The following RAB3B variants were observed in gnomAD, a reference collection of about 807,000 sequenced individuals.
RAB3B encodes ras-related protein Rab-3B.
A neutral mutation model predicts 20.5 loss-of-function variants in RAB3B; 11 were observed. The ratio of observed to expected loss-of-function variants is 0.54; its 90% CI spans 0.34 to 0.89. RAB3B has a LOEUF of 0.89. RAB3B is among the 40% of genes least tolerant of loss of function. The pLI is 0.02. For missense variants in RAB3B, 225 were observed against 280.9 expected (o/e 0.80, Z 1.42); for synonymous variants, 99 against 106.3 (o/e 0.93, Z 0.42).
chr1:51,937,805 A>C (rs879105902), intron 2 of RAB3B, among the ~76,000 whole-genome samples: 2 of 152,000 alleles, frequency 1.3e-5, no homozygotes, highest in Admixed American at 1.3e-4. Context: ...CCCAAGGCAT[A>C]TTTAAGGAGC....
chr1:51,966,145 G>A (rs1455920092), intron 2 of RAB3B, among the ~76,000 whole-genome samples: 3 of 152,182 alleles, frequency 2.0e-5, no homozygotes, highest in Non-Finnish European at 4.4e-5. Context: ...AAGGGTCCTT[G>A]AAAGCAATTA....
chr1:51,923,630 G>A (rs1347708715), intron 4 of RAB3B, among the ~76,000 whole-genome samples: 6 of 151,636 alleles, frequency 4.0e-5, no homozygotes, highest in Admixed American at 2.0e-4. Flanking sequence ...CAGAAGAATT[G>A]CTTGAACCTG....
At chr1:51,979,722 T>C (rs934053279) in intron 1 of RAB3B, among the ~76,000 whole-genome samples, 2 of 152,084 alleles carry the variant, frequency 1.3e-5, no homozygotes, top group African/African-American at 4.8e-5. Flanking sequence ...AAAATTATAT[T>C]ATGCAAAAGT....
intron 2 of RAB3B, among the ~76,000 whole-genome samples, chr1:51,972,764 T>A (rs1000273398): frequency 6.6e-6 from 1 of 152,178 alleles, no homozygotes; most frequent in African/African-American, 2.4e-5. Context: ...GGCACCTTGA[T>A]CTTAGACTTC....
intron 2 of RAB3B, among the ~76,000 whole-genome samples, chr1:51,959,355 T>TA (rs916777971): frequency 1.3e-5 from 2 of 151,750 alleles, no homozygotes; most frequent in Admixed American, 6.6e-5. Context: ...CCTGTCTCTA[T>TA]AAAAAAATTA....
chr1:51,975,652 C>T (rs373789784), intron 2 of RAB3B, among the ~76,000 whole-genome samples: 3 of 152,204 alleles, frequency 2.0e-5, no homozygotes, highest in African/African-American at 7.2e-5. Flanking sequence ...GAAGTAAGGC[C>T]TTCTGCCAAC....
rs113321051 is a variant in RAB3B at position 51,935,106 on chromosome 1, A to T, written c.348-1664T>A. Reference sequence around the variant, plus strand: ...ACCCAGCACAGAACACACAGCGAAGAAGGTGTCAGTGAATGCTGATAAATG... The same window carrying T: ...ACCCAGCACAGAACACACAGCGAAGTAGGTGTCAGTGAATGCTGATAAATG... On this transcript the variant is annotated intron_variant, in intron 3 of 4. Transcript: ENST00000371655. Among the ~76,000 whole-genome samples the T allele has an allele frequency of 7.1e-3, 1,080 of 152,310 alleles. 7 individuals carry two copies. Among genetic ancestry groups the T allele is most frequent in the South Asian group, 0.028 (136 of 4,822 alleles).
chr1:51,983,158 A>C (rs1020949012), intron 1 of RAB3B, among the ~76,000 whole-genome samples: 1 of 152,156 alleles, frequency 6.6e-6, no homozygotes, highest in Non-Finnish European at 1.5e-5. Context: ...GATAGAGACC[A>C]GCCTGGCCAA....
At chr1:51,944,360 G>C (rs1009150115) in intron 2 of RAB3B, among the ~76,000 whole-genome samples, 10 of 152,168 alleles carry the variant, frequency 6.6e-5, no homozygotes, top group Non-Finnish European at 1.3e-4. Flanking sequence ...ATCTGATGGA[G>C]ATATACAAGG....
chr1:51,940,708 T>C (rs776505602), intron 2 of RAB3B, among the ~76,000 whole-genome samples: 19 of 151,914 alleles, frequency 1.3e-4, no homozygotes, highest in Non-Finnish European at 2.4e-4. Context: ...AAAGTGGAGA[T>C]AATATATCCT....
At chr1:51,949,895 T>A (rs544442608) in intron 2 of RAB3B, among the ~76,000 whole-genome samples, 2 of 152,172 alleles carry the variant, frequency 1.3e-5, no homozygotes, top group East Asian at 3.9e-4. Context: ...GGTCCTAAGC[T>A]CTTGTCCCAC....
chr1:51,980,742 A>C, intron 1 of RAB3B: 3 of 755,588 alleles, frequency 4.0e-6, no homozygotes, highest in Non-Finnish European at 7.3e-6. Context: ...GATCTCATGA[A>C]GCCCGCAAGG....
In RAB3B at chr1:51,913,849, A is replaced by C. The variant is rs927679709; in HGVS notation, c.*6078T>G. On this transcript the variant is annotated 3_prime_UTR_variant, in exon 5 of 5. Transcript: ENST00000371655. ...GTGAGACATTGGCAAATGTGATGGAAACAGAGCTTGAAAAGTGCTTCTGTG... is the reference window on the plus strand; with the variant it reads ...GTGAGACATTGGCAAATGTGATGGACACAGAGCTTGAAAAGTGCTTCTGTG... 6.6e-6 allele frequency: 1 copy of C among 152,200 alleles called. No homozygotes were observed. Among genetic ancestry groups the C allele is most frequent in the African/African-American group, 2.4e-5 (1 of 41,448 alleles). The allele number at this position is 152,200 out of a possible 1,614,324, so 9.4% of individuals were successfully genotyped here.
chr1:51,967,980 C>T (rs1440381632), intron 2 of RAB3B, among the ~76,000 whole-genome samples: 12 of 152,078 alleles, frequency 7.9e-5, no homozygotes, highest in Admixed American at 7.2e-4. Context: ...CCTGGAATGC[C>T]TAGGTGGGCC....
intron 2 of RAB3B, among the ~76,000 whole-genome samples, chr1:51,959,504 C>A (rs530116015): frequency 2.6e-5 from 4 of 151,894 alleles, no homozygotes; most frequent in Non-Finnish European, 5.9e-5. Flanking sequence ...AAAGCAAGAC[C>A]CTATTCCAAA....
Position 51,908,352 on chromosome 1 carries a change from A to T in RAB3B, c.*11575T>A, listed in dbSNP as rs1466542998. ...TTGTTCCTCCTGAGGAATTCTGCTC[A>T]TACTGCTATGGTACATCTCCTAGGT... On this transcript the variant is annotated 3_prime_UTR_variant, in exon 5 of 5. Coordinates refer to ENST00000371655, the MANE Select transcript of RAB3B (RefSeq NM_002867.4). The T allele has an allele frequency of 6.6e-6, 1 of 152,112 alleles. No homozygotes were observed. Among genetic ancestry groups the T allele is most frequent in the African/African-American group, 2.4e-5 (1 of 41,446 alleles). The allele number at this position is 152,112 out of a possible 1,614,324, so 9.4% of individuals were successfully genotyped here. A position where few individuals can be genotyped will look rare whatever the true frequency, so the allele number is the denominator to read the frequency against.
chr1:51,918,619 GA>G lies in RAB3B; in HGVS notation c.*1307del, dbSNP rs1684120987. The G allele has an allele frequency of 6.6e-6, 1 of 152,226 alleles. No homozygotes were observed. Among genetic ancestry groups the G allele is most frequent in the Non-Finnish European group, 1.5e-5 (1 of 68,042 alleles). 9.4% of individuals were successfully genotyped at this position (152,226 alleles called of 1,614,324 possible). On this transcript the variant is annotated 3_prime_UTR_variant, in exon 5 of 5. Coordinates refer to ENST00000371655, the MANE Select transcript of RAB3B (RefSeq NM_002867.4). Reference sequence around the variant, plus strand: ...AGTTGACAAAGATGGTGTGGAAAATGAGCTCCTGTCCCTGCCTAGAAGGTGT... The same window carrying G: ...AGTTGACAAAGATGGTGTGGAAAATGGCTCCTGTCCCTGCCTAGAAGGTGT...
At chr1:51,955,192 G>C (rs1684691719) in intron 2 of RAB3B, among the ~76,000 whole-genome samples, 2 of 152,114 alleles carry the variant, frequency 1.3e-5, no homozygotes. Context: ...AGAATCATTG[G>C]GTTGTATATT....
chr1:51,940,585 G>T (rs1486563445), intron 2 of RAB3B, among the ~76,000 whole-genome samples: 1 of 151,848 alleles, frequency 6.6e-6, no homozygotes, highest in Non-Finnish European at 1.5e-5. Context: ...TGGCATCATC[G>T]CATTCCAGCC....
Sources: gnomAD v4.1 joint callset for allele counts (sites outside exome capture counted in the v4.1 genomes callset) on GRCh38, gnomAD v4.1.1 for gene constraint, MANE v1.5 for transcripts, NCBI Gene and HGNC (gene_info 2026-07-23, HGNC 2026-07-21) for gene names.